Variants in STRIP2 observed in about 807,000 individuals in gnomAD.
STRIP2 encodes striatin-interacting protein 2.
STRIP2 carries 84 observed loss-of-function variants against 107.1 expected under a neutral mutation model. The observed-to-expected ratio is 0.78, with a 90% CI of 0.66 to 0.94. The LOEUF (loss-of-function observed/expected upper bound fraction) is 0.94, where lower values mean the gene tolerates loss of function less well. Among genes scored for constraint, STRIP2 ranks in the 40% least tolerant of loss-of-function variants. The pLI is 0.00. For synonymous variants in STRIP2, 394 were observed against 400.4 expected (o/e 0.98, Z 0.19); for missense variants, 888 against 1,034.2 (o/e 0.86, Z 1.94).
intron 18 of STRIP2, among the ~76,000 whole-genome samples, chr7:129,473,749 G>T (rs145662665): frequency 6.6e-6 from 1 of 151,470 alleles, no homozygotes; most frequent in African/African-American, 2.4e-5. Context: ...ATGGAGTCTC[G>T]CTCTGTCGGC....
intron 1 of STRIP2, among the ~76,000 whole-genome samples, chr7:129,435,411 G>T (rs1414371933): frequency 2.6e-5 from 4 of 152,210 alleles, no homozygotes; most frequent in African/African-American, 7.2e-5. Flanking sequence ...CAAAATATCA[G>T]ATGTGGCAGG....
intron 13 of STRIP2, among the ~76,000 whole-genome samples, chr7:129,462,492 A>C (rs1371119236): frequency 6.6e-6 from 1 of 152,216 alleles, no homozygotes; most frequent in Non-Finnish European, 1.5e-5. Context: ...GCTGGTCAGA[A>C]AGGAGAAAGT....
intron 16 of STRIP2, among the ~76,000 whole-genome samples, chr7:129,465,062 G>T (rs1253409666): frequency 2.0e-5 from 3 of 151,864 alleles, no homozygotes; most frequent in Non-Finnish European, 4.4e-5. Context: ...ATGGGGGGGT[G>T]GGGGGAGTAT....
chr7:129,459,375 C>A, intron 11 of STRIP2, 142 bp from the exon 12 acceptor site: 1 of 691,746 alleles, frequency 1.4e-6, no homozygotes, highest in Non-Finnish European at 2.6e-6. Context: ...GTGGGACCTA[C>A]GAGCTTGCAG....
chr7:129,484,035 C>T (rs774573580), intron 20 of STRIP2, among the ~76,000 whole-genome samples: 7 of 152,154 alleles, frequency 4.6e-5, no homozygotes, highest in Non-Finnish European at 7.4e-5. Context: ...TGTAAGCCAC[C>T]GTGCTTGGCC....
chr7:129,459,712 C>T, intron 12 of STRIP2, 132 bp downstream of exon 12: 1 of 665,350 alleles, frequency 1.5e-6, no homozygotes, highest in Admixed American at 2.7e-5. Context: ...TCCTGCAGTC[C>T]TTTGGCCAAA....
intron 17 of STRIP2, 80 bp from the exon 18 acceptor site, chr7:129,470,569 A>T: frequency 8.4e-7 from 1 of 1,183,736 alleles, no homozygotes; most frequent in Admixed American, 1.7e-5. Context: ...GGAGAGAAAT[A>T]ACTCCTGCCC....
At chr7:129,445,005 T>G (rs1217120897) in intron 3 of STRIP2, among the ~76,000 whole-genome samples, 1 of 152,202 alleles carries the variant, frequency 6.6e-6, no homozygotes, top group Non-Finnish European at 1.5e-5. Flanking sequence ...GATGACTACC[T>G]TCTTCTACTA....
intron 18 of STRIP2, among the ~76,000 whole-genome samples, chr7:129,480,363 G>C (rs1799086027): frequency 6.6e-6 from 1 of 152,158 alleles, no homozygotes; most frequent in South Asian, 2.1e-4. Context: ...TTCAACCATA[G>C]TTGATATCAG....
In STRIP2 at chr7:129,483,292, T is replaced by A; in HGVS notation, c.2254+246T>A. 8.3e-7 allele frequency: 1 copy of A among 1,204,030 alleles called. No individual in the cohort carries two copies. The highest frequency in any genetic ancestry group is 1.0e-6 in the Non-Finnish European group (1 of 963,652). 74.6% of individuals were successfully genotyped at this position (1,204,030 alleles called of 1,614,324 possible). On this transcript the variant is annotated intron_variant, in intron 20 of 20. Coordinates refer to ENST00000249344, the MANE Select transcript of STRIP2 (RefSeq NM_020704.3). The surrounding 1 kb of genome is among the most constrained non-coding windows in gnomAD (Gnocchi z 5.1). The stretch of plus-strand genomic sequence containing the variant: ...ACAAGTAAATTGAGAGATAATTAAT[T>A]GCCTTTCCAAAACATTCTTTTAAAT...
intron 20 of STRIP2, among the ~76,000 whole-genome samples, 184 bp from the exon 21 acceptor site, chr7:129,485,395 G>A (rs1032266018): frequency 7.0e-6 from 1 of 142,226 alleles, no homozygotes; most frequent in African/African-American, 2.6e-5. Context: ...GTGGGCATAT[G>A]TGTATTTTTT....
intron 2 of STRIP2, among the ~76,000 whole-genome samples, chr7:129,441,813 A>T (rs1413229682): frequency 1.3e-5 from 2 of 151,940 alleles, no homozygotes; most frequent in Non-Finnish European, 2.9e-5. Context: ...ACAGAGTCTC[A>T]CCATGTTGCC....
chr7:129,449,104 T>C (rs903131375), intron 3 of STRIP2, among the ~76,000 whole-genome samples: 7 of 152,086 alleles, frequency 4.6e-5, no homozygotes, highest in Admixed American at 4.6e-4. Context: ...AATAAACTAT[T>C]AGAACCTTTT....
chr7:129,463,047 A>G lies in STRIP2; in HGVS notation c.1551+7A>G. ...CAGCCTTCCGCAGTATATGGTAAGG[A>G]GATGGCTAGGCCAGAGCTGCCCTTC... is the stretch of plus-strand genomic sequence containing the variant. On this transcript the variant is annotated splice_region_variant and intron_variant, in intron 14 of 20. Transcript: ENST00000249344. 3 of 1,610,428 alleles carry G rather than the reference A, an allele frequency of 1.9e-6. No individual in the cohort carries two copies. Among genetic ancestry groups the G allele is most frequent in the Non-Finnish European group, 2.5e-6 (3 of 1,177,784 alleles).
chr7:129,437,267 T>C (rs1367789742), intron 1 of STRIP2, among the ~76,000 whole-genome samples: 2 of 151,908 alleles, frequency 1.3e-5, no homozygotes, highest in Non-Finnish European at 2.9e-5. Flanking sequence ...GCAGACCCCA[T>C]CTCTACAAAT....
At chr7:129,446,313 T>G (rs1252899826) in intron 3 of STRIP2, among the ~76,000 whole-genome samples, 1 of 152,246 alleles carries the variant, frequency 6.6e-6, no homozygotes, top group East Asian at 1.9e-4. Flanking sequence ...TCATAGTTTT[T>G]GACCACTCAG....
chr7:129,451,756 C>T lies in STRIP2; in HGVS notation c.409+9C>T. ...TCTCTACCTGGCCCAAGGTGAGTGA[C>T]CACCCTTGCTAGCTTTAGAGGGGTG... On this transcript the variant is annotated intron_variant, in intron 4 of 20. Coordinates refer to ENST00000249344, the MANE Select transcript of STRIP2 (RefSeq NM_020704.3). 1 of 1,605,576 alleles carries T rather than the reference C, an allele frequency of 6.2e-7. No individual in the cohort carries two copies. The highest frequency in any genetic ancestry group is 8.5e-7 in the Non-Finnish European group (1 of 1,178,074).
intron 18 of STRIP2, among the ~76,000 whole-genome samples, chr7:129,480,477 C>A (rs1261978693): frequency 6.6e-6 from 1 of 152,178 alleles, no homozygotes; most frequent in Admixed American, 6.5e-5. Context: ...GGGTAAAATT[C>A]TCTCATCTCT....
chr7:129,474,160 T>C (rs575111363), intron 18 of STRIP2, among the ~76,000 whole-genome samples: 37 of 151,910 alleles, frequency 2.4e-4, no homozygotes, highest in Non-Finnish European at 4.6e-4. Context: ...TTTTTTTTTT[T>C]GAGACAGGGT....
Sources: gnomAD v4.1 joint callset for allele counts (sites outside exome capture counted in the v4.1 genomes callset) on GRCh38, gnomAD v4.1.1 for gene constraint, Gnocchi (gnomAD v3.1) non-coding constraint, MANE v1.5 for transcripts, NCBI Gene and HGNC (gene_info 2026-07-23, HGNC 2026-07-21) for gene names.